The following TAF13 variants were observed in gnomAD, a reference collection of about 807,000 sequenced individuals.
The protein encoded by TAF13 is TATA-box binding protein associated factor 13.
TAF13 carries 9 observed loss-of-function variants against 18.7 expected under a neutral mutation model. That is an observed-to-expected ratio of 0.48 (90% confidence interval 0.29 to 0.84). The LOEUF (loss-of-function observed/expected upper bound fraction) is 0.84. Ranked by LOEUF, TAF13 falls within the 40% of genes least tolerant of loss-of-function variation. TAF13 has a pLI of 0.08. For missense variants in TAF13, 105 were observed against 146.5 expected (o/e 0.72, Z 1.46); for synonymous variants, 49 against 44.1 (o/e 1.11, Z -0.44).
intron 2 of TAF13, among the ~76,000 whole-genome samples, chr1:109,066,934 T>G (rs1663960750): frequency 6.6e-6 from 1 of 152,082 alleles, no homozygotes; most frequent in African/African-American, 2.4e-5. Context: ...TTAGCCAGGA[T>G]GGTCTCGATG....
chr1:109,070,024 C>G (rs1664021958), intron 2 of TAF13, among the ~76,000 whole-genome samples: 1 of 152,178 alleles, frequency 6.6e-6, no homozygotes. Context: ...ACATGTTATA[C>G]AACCATAGGG....
intron 2 of TAF13, among the ~76,000 whole-genome samples, chr1:109,069,501 T>C (rs1557985174): frequency 6.6e-6 from 1 of 152,202 alleles, no homozygotes; most frequent in Non-Finnish European, 1.5e-5. Context: ...AGTTTTTTTT[T>C]CTGAATATTT....
intron 2 of TAF13, 69 bp from the exon 3 acceptor site, chr1:109,066,301 A>C: frequency 1.5e-6 from 2 of 1,303,832 alleles, no homozygotes; most frequent in Non-Finnish European, 1.1e-6. Context: ...TTAAAAAAAT[A>C]AAGTAGAAAT....
chr1:109,075,868 T>A, intron 1 of TAF13, 53 bp downstream of exon 1: 1 of 1,612,840 alleles, frequency 6.2e-7, no homozygotes, highest in Non-Finnish European at 8.5e-7. Context: ...CCTCCGCTAC[T>A]GAGCCCGAAG....
intron 2 of TAF13, among the ~76,000 whole-genome samples, chr1:109,069,202 A>AGTGTGT (rs59365913): frequency 1.3e-5 from 2 of 150,214 alleles, no homozygotes; most frequent in African/African-American, 4.9e-5. Context: ...CAAGTGTGTG[A>AGTGTGT]GTGTGTGTGT....
In TAF13 at chr1:109,075,975, CT is replaced by C; in HGVS notation, c.-29del. 6.2e-7 allele frequency: 1 copy of C among 1,614,220 alleles called. No individual in the cohort carries two copies. The highest frequency in any genetic ancestry group is 8.5e-7 in the Non-Finnish European group (1 of 1,180,044). On this transcript the variant is annotated 5_prime_UTR_variant, in exon 1 of 4. Transcript: ENST00000338366. ...CACTAGCACGCCAACTCACAGCGTC[CT>C]GCCGGCTGGCTCCCAGCTGGTTACA...
intron 2 of TAF13, among the ~76,000 whole-genome samples, chr1:109,073,746 C>A (rs1383708245): frequency 1.3e-5 from 2 of 152,232 alleles, no homozygotes; most frequent in East Asian, 3.9e-4. Flanking sequence ...CTGCCTTGGC[C>A]TCCCAAAGTG....
At chr1:109,070,852 A>C (rs1370980311) in intron 2 of TAF13, among the ~76,000 whole-genome samples, 1 of 152,238 alleles carries the variant, frequency 6.6e-6, no homozygotes, top group Non-Finnish European at 1.5e-5. Context: ...AACCGACTGA[A>C]CATCACTCTG....
chr1:109,065,697 C>G (rs893790336), intron 3 of TAF13, among the ~76,000 whole-genome samples: 1 of 152,010 alleles, frequency 6.6e-6, no homozygotes, highest in Admixed American at 6.6e-5. Flanking sequence ...CCGAGGCTGG[C>G]GGATCACCTG....
At chr1:109,073,451 C>T (rs943841145) in intron 2 of TAF13, among the ~76,000 whole-genome samples, 1 of 152,162 alleles carries the variant, frequency 6.6e-6, no homozygotes, top group East Asian at 1.9e-4. Context: ...CCTCTGTTGC[C>T]GAGGCTGGAC....
At position 109,064,508 on chromosome 1, in the gene TAF13, A is replaced by G; in HGVS notation, c.*15T>C. Reference sequence around the variant, plus strand: ...GGTTTCCCCAGATGGTAATTTTCGGAAACTACAAAAAGTGTCAAGATCCAT... The same window carrying G: ...GGTTTCCCCAGATGGTAATTTTCGGGAACTACAAAAAGTGTCAAGATCCAT... On this transcript the variant is annotated 3_prime_UTR_variant, in exon 4 of 4. Coordinates refer to ENST00000338366, the MANE Select transcript of TAF13 (RefSeq NM_005645.4). 1 of 1,420,054 alleles carries G rather than the reference A, an allele frequency of 7.0e-7. No individual in the cohort carries two copies. Among genetic ancestry groups the G allele is most frequent in the Non-Finnish European group, 9.3e-7 (1 of 1,078,658 alleles). The allele number at this position is 1,420,054 out of a possible 1,614,324, so 88.0% of individuals were successfully genotyped here.
Position 109,071,998 on chromosome 1 carries a change from A to G in TAF13, c.106+2989T>C, listed in dbSNP as rs1664071224. On this transcript the variant is annotated intron_variant, in intron 2 of 3. Transcript: ENST00000338366. Reference sequence around the variant, plus strand: ...TATACACACATATATATATATATATATATATATATATATATACACACACAT... The same window carrying G: ...TATACACACATATATATATATATATGTATATATATATATATACACACACAT... 9.6e-4 allele frequency among the ~76,000 whole-genome samples: 2 copies of G among 2,082 alleles called. 1 individual carries two copies. Among genetic ancestry groups the G allele is most frequent in the African/African-American group, 1.9e-3 (2 of 1,058 alleles). The allele number at this position is 2,082 out of a possible 152,430, so 1.4% of individuals were successfully genotyped here. A position where few individuals can be genotyped will look rare whatever the true frequency, so the allele number is the denominator to read the frequency against.
At chr1:109,068,652 T>A (rs2102107340) in intron 2 of TAF13, among the ~76,000 whole-genome samples, 2 of 152,182 alleles carry the variant, frequency 1.3e-5, no homozygotes, top group African/African-American at 4.8e-5. Context: ...CCAGCTGAGA[T>A]CCACAGAGGT....
At chr1:109,070,060 TC>T (rs918080566) in intron 2 of TAF13, among the ~76,000 whole-genome samples, 2 of 152,182 alleles carry the variant, frequency 1.3e-5, no homozygotes, top group African/African-American at 4.8e-5. Flanking sequence ...GAAATTAACA[TC>T]GGTACAGGTA....
intron 3 of TAF13, 81 bp from the exon 4 acceptor site, chr1:109,064,774 T>C (rs1420734451): frequency 5.9e-6 from 7 of 1,177,394 alleles, no homozygotes; most frequent in Admixed American, 3.0e-5. Flanking sequence ...TAATTGCAAG[T>C]GAGGTAGAAG....
At chr1:109,072,279 G>A (rs1191129984) in intron 2 of TAF13, among the ~76,000 whole-genome samples, 1 of 151,422 alleles carries the variant, frequency 6.6e-6, no homozygotes, top group Non-Finnish European at 1.5e-5. Flanking sequence ...CCCAGGACTG[G>A]GAGATGGAGA....
chr1:109,075,084 A>G lies in TAF13; in HGVS notation c.28-19T>C. On this transcript the variant is annotated intron_variant, in intron 1 of 3. Coordinates refer to ENST00000338366, the MANE Select transcript of TAF13 (RefSeq NM_005645.4). ...CCTCAAACTAGAAGTTAAAATGTATATATAGAAATGTCAAATAATTGCCTT... is the reference window on the plus strand; with the variant it reads ...CCTCAAACTAGAAGTTAAAATGTATGTATAGAAATGTCAAATAATTGCCTT... The G allele has an allele frequency of 1.3e-6, 2 of 1,565,646 alleles. No homozygotes were observed. Among genetic ancestry groups the G allele is most frequent in the Admixed American group, 2.0e-5 (1 of 50,246 alleles).
rs370997187 is a variant in TAF13, at chr1:109,064,690, G to A, written c.208C>T (p.His70Tyr). The A allele has an allele frequency of 6.7e-7, 1 of 1,498,576 alleles. No homozygotes were observed. The highest frequency in any genetic ancestry group is 1.4e-5 in the South Asian group (1 of 70,534). The allele number at this position is 1,498,576 out of a possible 1,614,324, so 92.8% of individuals were successfully genotyped here. ...TGTCTTCCAATTGACATTGCCTTGTGAGTCTATTACAAAGAAACATATTAC... is the reference window on the plus strand; with the variant it reads ...TGTCTTCCAATTGACATTGCCTTGTAAGTCTATTACAAAGAAACATATTAC... ...LVIEFITEMT[H>Y]KAMSIGRQGR... is the part of the protein sequence containing the mutation. Residue 70 changes from histidine to tyrosine, a missense_variant, in exon 4 of 4, where the codon CAC becomes TAC. By Grantham distance (83) the His-to-Tyr change is moderately conservative. Transcript: ENST00000338366.
At chr1:109,074,857 CA>C in intron 2 of TAF13, 129 bp downstream of exon 2, 1 of 666,812 alleles carries the variant, frequency 1.5e-6, no homozygotes, top group Non-Finnish European at 2.5e-6. Context: ...AAAAGTTAAA[CA>C]GAATTTGATA....
Sources: allele counts gnomAD v4.1 joint callset (sites outside exome capture counted in the v4.1 genomes callset), GRCh38; gene constraint gnomAD v4.1.1; transcripts MANE v1.5; gene names NCBI Gene and HGNC (gene_info 2026-07-23, HGNC 2026-07-21).